SYT16: variants seen among roughly 807,000 people sequenced by gnomAD.
The protein encoded by SYT16 is synaptotagmin-16.
A neutral mutation model predicts 61.4 loss-of-function variants in SYT16; 42 were observed. The observed-to-expected ratio is 0.68, with a 90% CI of 0.53 to 0.89. The LOEUF (loss-of-function observed/expected upper bound fraction) is 0.89. Among genes scored for constraint, SYT16 ranks in the 40% least tolerant of loss-of-function variants. The pLI is 0.00. For synonymous variants in SYT16, 314 were observed against 302.3 expected (o/e 1.04, Z -0.40); for missense variants, 804 against 807.3 (o/e 1.00, Z 0.05).
chr14:61,865,467 A>G lies in SYT16; in HGVS notation c.-325+52657A>G, dbSNP rs1242907075. Among the ~76,000 whole-genome samples the G allele has an allele frequency of 2.0e-5, 3 of 152,216 alleles. No homozygotes were observed. In the East Asian group the frequency reaches 5.8e-4, roughly 29 times the overall value. The stretch of plus-strand genomic sequence containing the variant: ...AGGCCTCATCAGCAGCTCAAGAGTT[A>G]GACTATTTAACAGTTTGGAATATTG... On this transcript the variant is annotated intron_variant, in intron 1 of 7. Transcript: ENST00000683842.
intron 3 of SYT16, among the ~76,000 whole-genome samples, chr14:62,051,141 T>A (rs7150216): frequency 0.043 from 6,586 of 152,312 alleles, 474 homozygotes; most frequent in African/African-American, 0.15. Context: ...TCCCGGCTGC[T>A]TTGTTTACCT....
chr14:62,100,581 A>C lies in SYT16; in HGVS notation c.1812A>C (p.Lys604Asn). ...ATAACAGGCGTACTATGAAGCGTAA[A>C]GAGATGATTGGCTGGATTGCCCTGG... The part of the protein sequence containing the change: ...SVYNRRTMKR[K>N]EMIGWIALGQ... The change falls in exon 8 of 8, where the codon AAA becomes AAC. Residue 604 changes from lysine (K) to asparagine (N), a missense_variant. Lys to Asn is a moderately conservative substitution (Grantham distance 94). Transcript: ENST00000683842. 7 of 1,613,822 alleles carry C rather than the reference A, an allele frequency of 4.3e-6. No homozygotes were observed. The highest frequency in any genetic ancestry group is 5.9e-6 in the Non-Finnish European group (7 of 1,179,810).
intron 3 of SYT16, among the ~76,000 whole-genome samples, chr14:62,012,903 C>T (rs2053525458): frequency 6.6e-6 from 1 of 152,176 alleles, no homozygotes; most frequent in African/African-American, 2.4e-5. Flanking sequence ...GGGAAACTCA[C>T]ATTAGCATGA....
At chr14:61,868,234 T>C (rs559548206) in intron 1 of SYT16, among the ~76,000 whole-genome samples, 2 of 152,088 alleles carry the variant, frequency 1.3e-5, no homozygotes, top group East Asian at 1.9e-4. Flanking sequence ...CTCTCTTTTT[T>C]TAATCTTAAT....
intron 3 of SYT16, among the ~76,000 whole-genome samples, chr14:62,031,535 G>A (rs1254931740): frequency 6.6e-6 from 1 of 152,136 alleles, no homozygotes; most frequent in Non-Finnish European, 1.5e-5. Flanking sequence ...ATGTGAGCCT[G>A]GAAGTGAGAA....
chr14:62,050,287 G>A (rs557737134), intron 3 of SYT16, among the ~76,000 whole-genome samples: 37 of 152,122 alleles, frequency 2.4e-4, no homozygotes, highest in Non-Finnish European at 4.3e-4. Flanking sequence ...TTGTGCATTC[G>A]TCACATAGTT....
At chr14:61,830,089 T>C (rs2140232484) in intron 1 of SYT16, among the ~76,000 whole-genome samples, 1 of 152,378 alleles carries the variant, frequency 6.6e-6, no homozygotes, top group South Asian at 2.1e-4. Context: ...TTATTCTTTA[T>C]ATCTTGAGTA....
At chr14:61,854,854 T>TC (rs2046726875) in intron 1 of SYT16, among the ~76,000 whole-genome samples, 1 of 150,288 alleles carries the variant, frequency 6.7e-6, no homozygotes, top group Non-Finnish European at 1.5e-5. Context: ...TTTTTTTTTT[T>TC]CCCACTAGCT....
chr14:62,012,805 T>G (rs2140714911), intron 3 of SYT16, among the ~76,000 whole-genome samples: 1 of 152,320 alleles, frequency 6.6e-6, no homozygotes, highest in South Asian at 2.1e-4. Flanking sequence ...CCAGGAATTG[T>G]TCTTAAGATG....
At chr14:62,035,066 G>T (rs1355359171) in intron 3 of SYT16, among the ~76,000 whole-genome samples, 1 of 152,146 alleles carries the variant, frequency 6.6e-6, no homozygotes, top group Non-Finnish European at 1.5e-5. Context: ...ATTTACATAT[G>T]TCCTCTGTTT....
chr14:61,980,747 CAAAT>C (rs1452658066), intron 2 of SYT16, among the ~76,000 whole-genome samples: 1 of 151,906 alleles, frequency 6.6e-6, no homozygotes, highest in Non-Finnish European at 1.5e-5. Context: ...CGTAAAGAGG[CAAAT>C]AAATAAAATA....
At chr14:62,092,547 T>C (rs965911625) in intron 7 of SYT16, among the ~76,000 whole-genome samples, 2 of 151,572 alleles carry the variant, frequency 1.3e-5, no homozygotes, top group African/African-American at 4.8e-5. Context: ...TATTCAACCT[T>C]AAAAAGGAAA....
intron 3 of SYT16, among the ~76,000 whole-genome samples, chr14:62,027,807 G>T (rs1402761030): frequency 6.6e-6 from 1 of 152,134 alleles, no homozygotes; most frequent in Non-Finnish European, 1.5e-5. Context: ...TGAGTCTTGT[G>T]TTCTCCTTTT....
intron 5 of SYT16, among the ~76,000 whole-genome samples, chr14:62,078,552 G>A (rs2056596520): frequency 6.6e-6 from 1 of 152,182 alleles, no homozygotes; most frequent in Non-Finnish European, 1.5e-5. Context: ...TCCCTGCTTT[G>A]GGAGTGCAAC....
chr14:61,901,592 G>T (rs1463457898), intron 1 of SYT16, among the ~76,000 whole-genome samples: 3 of 151,826 alleles, frequency 2.0e-5, no homozygotes, highest in Non-Finnish European at 2.9e-5. Context: ...ATAATTCTGG[G>T]TTCCCCCTGT....
At chr14:61,834,733 A>T (rs562071177) in intron 1 of SYT16, among the ~76,000 whole-genome samples, 1 of 152,214 alleles carries the variant, frequency 6.6e-6, no homozygotes, top group South Asian at 2.1e-4. Context: ...CACTGCACCC[A>T]GCCCTGATTC....
chr14:61,980,401 A>G (rs552274967), intron 2 of SYT16, among the ~76,000 whole-genome samples: 1 of 152,280 alleles, frequency 6.6e-6, no homozygotes, highest in Non-Finnish European at 1.5e-5. Context: ...GATATATCTC[A>G]TGGCAATGCA....
intron 2 of SYT16, among the ~76,000 whole-genome samples, chr14:61,975,233 C>T (rs914187080): frequency 7.9e-5 from 12 of 152,164 alleles, no homozygotes; most frequent in Middle Eastern, 3.4e-3. Flanking sequence ...ATTCAACAAA[C>T]AGGTGGTAAT....
chr14:61,873,879 G>A (rs2047406247), intron 1 of SYT16, among the ~76,000 whole-genome samples: 1 of 152,202 alleles, frequency 6.6e-6, no homozygotes, highest in Non-Finnish European at 1.5e-5. Context: ...AAACGGGATG[G>A]TGGGCCTTTT....
Sources: allele counts gnomAD v4.1 joint callset (sites outside exome capture counted in the v4.1 genomes callset), GRCh38; gene constraint gnomAD v4.1.1; transcripts MANE v1.5; gene names NCBI Gene and HGNC (gene_info 2026-07-23, HGNC 2026-07-21).